Variants in CERS6 observed in about 807,000 individuals in gnomAD.
The protein encoded by CERS6 is LAG1 homolog, ceramide synthase 6.
Under a neutral mutation model 56.8 loss-of-function variants are expected in CERS6, and 26 were observed. The ratio of observed to expected loss-of-function variants is 0.46; its 90% CI spans 0.34 to 0.63. The LOEUF (loss-of-function observed/expected upper bound fraction) is 0.63, where lower values mean the gene tolerates loss of function less well. CERS6 is among the 30% of genes least tolerant of loss of function. The probability of loss-of-function intolerance (pLI) is 0.01; values close to 1 mark genes in which losing one functional copy is unlikely to be tolerated. For missense variants in CERS6, 415 were observed against 467.5 expected, an observed-to-expected ratio of 0.89 and a Z score of 1.04; for synonymous variants, 164 against 173.3, an observed-to-expected ratio of 0.95 and a Z score of 0.42.
intron 8 of CERS6, among the ~76,000 whole-genome samples, chr2:168,726,126 T>C (rs924484594): frequency 6.6e-5 from 10 of 152,234 alleles, no homozygotes; most frequent in African/African-American, 2.2e-4. Flanking sequence ...TTAGGTACTC[T>C]TTAATTATAA....
chr2:168,626,357 C>T (rs1684590597), intron 3 of CERS6, among the ~76,000 whole-genome samples: 1 of 152,072 alleles, frequency 6.6e-6, no homozygotes, highest in Non-Finnish European at 1.5e-5. Flanking sequence ...TGGATGATTC[C>T]CCTGCTTCTG....
intron 4 of CERS6, among the ~76,000 whole-genome samples, chr2:168,638,663 TAG>T (rs1235837215): frequency 6.6e-6 from 1 of 152,240 alleles, no homozygotes; most frequent in Non-Finnish European, 1.5e-5. Context: ...TTATTGCTTA[TAG>T]CTTCTTGTTT....
At chr2:168,577,856 T>C (rs1683315570) in intron 3 of CERS6, among the ~76,000 whole-genome samples, 1 of 152,158 alleles carries the variant, frequency 6.6e-6, no homozygotes, top group South Asian at 2.1e-4. Context: ...TCTGGAGGTG[T>C]ATTGATTAAT....
Position 168,505,223 on chromosome 2 carries a change from C to CA in CERS6, c.171-42364dup, listed in dbSNP as rs200208967. 7.4e-3 allele frequency among the ~76,000 whole-genome samples: 1,096 copies of CA among 148,096 alleles called. 13 individuals carry two copies. Among genetic ancestry groups the CA allele is most frequent in the African/African-American group, 0.025 (1,006 of 40,452 alleles). On this transcript the variant is annotated intron_variant, in intron 1 of 9. Transcript: ENST00000305747. ...CAAAACTCTGTCTCTATAAAAAATG[C>CA]AAAAAAAAATTAGCTGGGCATAGTG...
chr2:168,575,441 ACT>A (rs769023416), intron 3 of CERS6, among the ~76,000 whole-genome samples: 3 of 151,636 alleles, frequency 2.0e-5, no homozygotes, highest in Admixed American at 2.0e-4. Context: ...CCACTTCCTC[ACT>A]CTCTTTAAAA....
At chr2:168,499,769 A>G (rs1248204772) in intron 1 of CERS6, among the ~76,000 whole-genome samples, 1 of 152,150 alleles carries the variant, frequency 6.6e-6, no homozygotes, top group Non-Finnish European at 1.5e-5. Context: ...AGTTTTTCCT[A>G]GGGTGGCCAA....
At chr2:168,713,693 A>T (rs1460120487) in intron 6 of CERS6, among the ~76,000 whole-genome samples, 1 of 152,164 alleles carries the variant, frequency 6.6e-6, no homozygotes, top group Non-Finnish European at 1.5e-5. Context: ...AATGATTAAA[A>T]TTCAGGGCTT....
chr2:168,511,596 A>T (rs1290077444), intron 1 of CERS6, among the ~76,000 whole-genome samples: 1 of 152,208 alleles, frequency 6.6e-6, no homozygotes, highest in Non-Finnish European at 1.5e-5. Context: ...TAGAAACCTC[A>T]GCTTTGGGCT....
intron 3 of CERS6, among the ~76,000 whole-genome samples, chr2:168,614,237 T>C (rs977583971): frequency 6.6e-6 from 1 of 152,210 alleles, no homozygotes; most frequent in African/African-American, 2.4e-5. Flanking sequence ...CTTTCATACA[T>C]ATGTGCATAC....
At chr2:168,476,688 G>T (rs1258830599) in intron 1 of CERS6, among the ~76,000 whole-genome samples, 1 of 152,088 alleles carries the variant, frequency 6.6e-6, no homozygotes, top group African/African-American at 2.4e-5. Flanking sequence ...CCCAAGGCTG[G>T]AGAGCCTGGG....
intron 4 of CERS6, among the ~76,000 whole-genome samples, chr2:168,637,722 A>G (rs1272481042): frequency 2.0e-5 from 3 of 152,190 alleles, no homozygotes; most frequent in Admixed American, 6.5e-5. Flanking sequence ...AACTATAACT[A>G]TTCTTAAAAT....
chr2:168,675,038 T>G (rs2105343727), intron 4 of CERS6, among the ~76,000 whole-genome samples: 1 of 152,062 alleles, frequency 6.6e-6, no homozygotes, highest in South Asian at 2.1e-4. Context: ...TGCAGTGGCG[T>G]AATCGGCTCA....
intron 4 of CERS6, among the ~76,000 whole-genome samples, chr2:168,673,013 A>G (rs1233637769): frequency 6.6e-6 from 1 of 152,220 alleles, no homozygotes; most frequent in Non-Finnish European, 1.5e-5. Flanking sequence ...TGTGCTGTTT[A>G]TTTGAAGGAC....
At chr2:168,674,214 A>G (rs958802266) in intron 4 of CERS6, among the ~76,000 whole-genome samples, 7 of 152,190 alleles carry the variant, frequency 4.6e-5, no homozygotes, top group African/African-American at 1.7e-4. Flanking sequence ...AATTGCTTCA[A>G]AGTGTCCTCA....
At chr2:168,727,809 T>C (rs1277393714) in intron 8 of CERS6, among the ~76,000 whole-genome samples, 2 of 152,260 alleles carry the variant, frequency 1.3e-5, no homozygotes, top group African/African-American at 4.8e-5. Context: ...AAATTTGCCT[T>C]GGTGCTGGTC....
Position 168,714,542 on chromosome 2 carries a change from C to T in CERS6, c.610-459C>T, listed in dbSNP as rs1157298112. Among the ~76,000 whole-genome samples the T allele has an allele frequency of 3.3e-5, 5 of 152,208 alleles. No homozygotes were observed. In the South Asian group the frequency reaches 1.0e-3, roughly 32 times the overall value. On this transcript the variant is annotated intron_variant, in intron 6 of 9. Coordinates refer to ENST00000305747, the MANE Select transcript of CERS6 (RefSeq NM_203463.3). ...TCCTAAAGTTCAAATGCAAGTAGTG[C>T]CCTTCTTTTCTTGAAATTATGTAGT...
chr2:168,618,294 T>C (rs1812681), intron 3 of CERS6, among the ~76,000 whole-genome samples: 46,158 of 152,008 alleles, frequency 0.3, 7,900 homozygotes, highest in African/African-American at 0.47. Context: ...GGGGAAAAGT[T>C]GAAAGCATTC....
chr2:168,555,956 T>C (rs1340995257), intron 2 of CERS6, among the ~76,000 whole-genome samples: 1 of 152,124 alleles, frequency 6.6e-6, no homozygotes, highest in Admixed American at 6.5e-5. Context: ...TCAAAAATTA[T>C]ATGTGCTTTC....
intron 4 of CERS6, among the ~76,000 whole-genome samples, chr2:168,658,823 C>T (rs1012801171): frequency 2.9e-4 from 39 of 133,804 alleles, no homozygotes; most frequent in African/African-American, 1.2e-3. Context: ...CTGTCTGGTT[C>T]CAGAGCCATG....
Sources: allele counts gnomAD v4.1 joint callset (sites outside exome capture counted in the v4.1 genomes callset), GRCh38; gene constraint gnomAD v4.1.1; transcripts MANE v1.5; gene names NCBI Gene and HGNC (gene_info 2026-07-23, HGNC 2026-07-21).